The following CYTH3 variants were observed in gnomAD, a reference collection of about 807,000 sequenced individuals.
The protein encoded by CYTH3 is cytohesin-3.
Under a neutral mutation model 55.1 loss-of-function variants are expected in CYTH3, and 23 were observed. That is an observed-to-expected ratio of 0.42 (90% CI 0.30 to 0.59). The LOEUF is 0.59. Ranked by LOEUF, CYTH3 falls within the 20% of genes least tolerant of loss-of-function variation. The pLI is 0.20. For synonymous variants in CYTH3, 249 were observed against 194.9 expected (o/e 1.28, Z -2.31); for missense variants, 413 against 524.8 (o/e 0.79, Z 2.08).
chr7:6,254,720 G>T (rs1780056871), intron 1 of CYTH3, among the ~76,000 whole-genome samples: 1 of 152,208 alleles, frequency 6.6e-6, no homozygotes, highest in Non-Finnish European at 1.5e-5. Context: ...AAAGTGCTGG[G>T]ATTATAGGCG....
At chr7:6,210,480 C>T (rs1336530283) in intron 1 of CYTH3, among the ~76,000 whole-genome samples, 2 of 152,150 alleles carry the variant, frequency 1.3e-5, no homozygotes, top group African/African-American at 4.8e-5. Flanking sequence ...GAGACGTCAC[C>T]TAAAATTTAA....
Position 6,259,823 on chromosome 7 carries a change from T to TA in CYTH3, c.34+12650dup, listed in dbSNP as rs1267065759. On this transcript the variant is annotated intron_variant, in intron 1 of 12. Transcript: ENST00000350796. ...TATATATATATATATAATATATATA[T>TA]ATATATATATTTTTTTTTTTTTTTA... Among the ~76,000 whole-genome samples, 21 of 22,860 alleles carry TA rather than the reference T, an allele frequency of 9.2e-4. 2 individuals carry two copies. Among genetic ancestry groups the TA allele is most frequent in the East Asian group, 2.6e-3 (2 of 756 alleles). The allele number at this position is 22,860 out of a possible 152,430, so 15.0% of individuals were successfully genotyped here.
At chr7:6,188,532 G>A (rs1484714368) in intron 2 of CYTH3, among the ~76,000 whole-genome samples, 1 of 151,482 alleles carries the variant, frequency 6.6e-6, no homozygotes, top group African/African-American at 2.4e-5. Flanking sequence ...CTGAAGCTCA[G>A]GTGTGTTTAG....
At chr7:6,245,044 C>A (rs1057437054) in intron 1 of CYTH3, among the ~76,000 whole-genome samples, 6 of 132,556 alleles carry the variant, frequency 4.5e-5, no homozygotes, top group African/African-American at 1.4e-4. Context: ...TGGTCTCAAT[C>A]TCCTGACCTC....
chr7:6,173,796 C>T, intron 5 of CYTH3, 63 bp from the exon 6 acceptor site: 2 of 964,786 alleles, frequency 2.1e-6, no homozygotes, highest in East Asian at 2.4e-5. Context: ...TTAAAAGATG[C>T]GGCTGATGAA....
chr7:6,173,885 A>G, intron 5 of CYTH3, 152 bp from the exon 6 acceptor site: 1 of 619,496 alleles, frequency 1.6e-6, no homozygotes, highest in Middle Eastern at 3.6e-4. Context: ...TTGTAGAGGC[A>G]GGGCTGGCCA....
intron 1 of CYTH3, among the ~76,000 whole-genome samples, chr7:6,215,505 G>A (rs1280041930): frequency 6.6e-6 from 1 of 151,570 alleles, no homozygotes; most frequent in African/African-American, 2.4e-5. Flanking sequence ...CAGGAGAATG[G>A]CGTGAACCCA....
At chr7:6,262,391 G>C (rs541251997) in intron 1 of CYTH3, among the ~76,000 whole-genome samples, 1 of 152,290 alleles carries the variant, frequency 6.6e-6, no homozygotes, top group South Asian at 2.1e-4. Context: ...GGATACACTT[G>C]AGGAAAACCA....
rs58910123 is a variant in CYTH3 at position 6,207,086 on chromosome 7, CTTTTTTTTT to C, written c.35-16564_35-16556del. On this transcript the variant is annotated intron_variant, in intron 1 of 12. Coordinates refer to ENST00000350796, the MANE Select transcript of CYTH3 (RefSeq NM_004227.4). The stretch of plus-strand genomic sequence containing the variant: ...ATTTCACAGAAATTAAAATGTGCAA[CTTTTTTTTT>C]TTTTTTTTTTTTTTTTTGAGACGGA... Among the ~76,000 whole-genome samples the C allele has an allele frequency of 2.1e-3, 214 of 104,102 alleles. 1 individual carries two copies. In the East Asian group the frequency reaches 0.057, roughly 28 times the overall value. The allele number at this position is 104,102 out of a possible 152,430, so 68.3% of individuals were successfully genotyped here.
chr7:6,232,477 A>G (rs1779411377), intron 1 of CYTH3, among the ~76,000 whole-genome samples: 1 of 152,308 alleles, frequency 6.6e-6, no homozygotes, highest in Admixed American at 6.5e-5. Context: ...ACCACTTGCC[A>G]TCACAGAAGC....
Position 6,169,651 on chromosome 7 carries a change from C to G in CYTH3, c.823+884G>C, listed in dbSNP as rs1334327154. On this transcript the variant is annotated intron_variant, in intron 9 of 12. Coordinates refer to ENST00000350796, the MANE Select transcript of CYTH3 (RefSeq NM_004227.4). This position sits in a 1 kb window ranked among gnomAD's most constrained non-coding sequence, Gnocchi z 4.1. ...CACTGTGGGCATAAGGCAACCATCC[C>G]CGCCCCGCAGGCAAAACAACCCCTC... 1.3e-5 allele frequency among the ~76,000 whole-genome samples: 2 copies of G among 152,236 alleles called. No individual in the cohort carries two copies. The highest frequency in any genetic ancestry group is 4.8e-5 in the African/African-American group (2 of 41,466).
intron 1 of CYTH3, among the ~76,000 whole-genome samples, chr7:6,263,603 C>G (rs1291341013): frequency 6.6e-6 from 1 of 152,102 alleles, no homozygotes; most frequent in African/African-American, 2.4e-5. Context: ...CAAGACCAGC[C>G]TGGCCAACGT....
At chr7:6,220,975 G>A (rs573692946) in intron 1 of CYTH3, among the ~76,000 whole-genome samples, 17 of 151,576 alleles carry the variant, frequency 1.1e-4, no homozygotes, top group African/African-American at 3.4e-4. Flanking sequence ...CAGCCTAGGC[G>A]ACAGAGTGAG....
In CYTH3 at chr7:6,163,974, G is replaced by A. The variant is rs922027243; in HGVS notation, c.*970C>T. ...CATCAGCAGTTTCACGTGGCTCAGC[G>A]TATGGACCATCTGTGTCCAGGGAAA... is the stretch of plus-strand genomic sequence containing the variant. On this transcript the variant is annotated 3_prime_UTR_variant, in exon 13 of 13. Coordinates refer to ENST00000350796, the MANE Select transcript of CYTH3 (RefSeq NM_004227.4). 6.6e-6 allele frequency: 1 copy of A among 152,262 alleles called. No homozygotes were observed. Among genetic ancestry groups the A allele is most frequent in the African/African-American group, 2.4e-5 (1 of 41,468 alleles). The allele number at this position is 152,262 out of a possible 1,614,324, so 9.4% of individuals were successfully genotyped here.
chr7:6,249,871 T>C lies in CYTH3; in HGVS notation c.34+22603A>G, dbSNP rs149083356. Among the ~76,000 whole-genome samples the C allele has an allele frequency of 3.4e-3, 520 of 152,354 alleles. 2 individuals carry two copies. The highest frequency in any genetic ancestry group is 5.7e-3 in the Non-Finnish European group (388 of 68,034). ...ACATAGTTACCTTGTGCTTGTGTAG[T>C]GAGAATACTTAAAATCACTCTGCAA... On this transcript the variant is annotated intron_variant, in intron 1 of 12. Transcript: ENST00000350796.
intron 1 of CYTH3, among the ~76,000 whole-genome samples, chr7:6,270,654 G>A (rs1003929240): frequency 6.6e-6 from 1 of 152,188 alleles, no homozygotes; most frequent in Non-Finnish European, 1.5e-5. Flanking sequence ...TGCCCCTGCT[G>A]TTGGCGTTGC....
intron 4 of CYTH3, among the ~76,000 whole-genome samples, chr7:6,186,241 C>G (rs111708368): frequency 0.013 from 1,490 of 112,892 alleles, 9 homozygotes; most frequent in Non-Finnish European, 0.018. Flanking sequence ...AAGACTCTAT[C>G]TCAAAAAAAA....
intron 1 of CYTH3, among the ~76,000 whole-genome samples, chr7:6,224,766 T>C (rs376483619): frequency 6.6e-5 from 10 of 152,342 alleles, no homozygotes; most frequent in South Asian, 6.2e-4. Flanking sequence ...CGAATGTTCA[T>C]AGCAGCATGA....
chr7:6,172,511 G>A (rs1350177976), intron 6 of CYTH3, among the ~76,000 whole-genome samples: 1 of 152,094 alleles, frequency 6.6e-6, no homozygotes, highest in Non-Finnish European at 1.5e-5. Context: ...GTGCCCCTCA[G>A]GACAAAAGCT....
Sources: gnomAD v4.1 joint callset for allele counts (sites outside exome capture counted in the v4.1 genomes callset) on GRCh38, gnomAD v4.1.1 for gene constraint, Gnocchi (gnomAD v3.1) non-coding constraint, MANE v1.5 for transcripts, NCBI Gene and HGNC (gene_info 2026-07-23, HGNC 2026-07-21) for gene names.